Variants in GYS2 observed in about 807,000 individuals in gnomAD.
GYS2 encodes glycogen synthase 2, also known as glycogen [starch] synthase, liver.
Under a neutral mutation model 85.6 loss-of-function variants are expected in GYS2, and 80 were observed. The observed-to-expected ratio is 0.93, with a 90% CI of 0.78 to 1.13. GYS2 has a LOEUF of 1.13. Ranked by LOEUF, GYS2 falls within the 50% of genes most tolerant of loss-of-function variation. GYS2 has a pLI of 0.00. For missense variants in GYS2, 881 were observed against 854.9 expected (o/e 1.03, Z -0.38); for synonymous variants, 328 against 300.7 (o/e 1.09, Z -0.94).
intron 1 of GYS2, 103 bp from the exon 2 acceptor site, chr12:21,580,626 C>G (rs1032931044): frequency 9.4e-6 from 8 of 853,728 alleles, no homozygotes; most frequent in Non-Finnish European, 1.4e-5. Context: ...CATTTAGGAT[C>G]CACTAAGCCC....
At chr12:21,538,672 CT>C (rs1943937678) in intron 15 of GYS2, among the ~76,000 whole-genome samples, 1 of 152,188 alleles carries the variant, frequency 6.6e-6, no homozygotes, top group Admixed American at 6.5e-5. Context: ...ACTGCAAGGA[CT>C]GATCCCACTA....
chr12:21,602,808 G>A (rs2136940400), intron 1 of GYS2, among the ~76,000 whole-genome samples: 1 of 152,180 alleles, frequency 6.6e-6, no homozygotes, highest in South Asian at 2.1e-4. Context: ...TCACTGGCGT[G>A]TTCCCAGTGC....
At position 21,574,199 on chromosome 12, in the gene GYS2, A is replaced by T; in HGVS notation, c.623T>A (p.Leu208Gln). The change falls in exon 4 of 16, where the codon CTA (leucine) becomes CAA (glutamine). Residue 208 changes from leucine (L) to glutamine (Q), a missense_variant. By Grantham distance (113) the Leu-to-Gln change is moderately radical. Coordinates refer to ENST00000261195, the MANE Select transcript of GYS2 (RefSeq NM_021957.4). ...TGCTGCACAGAGATACCTCCCAAGT[A>T]GTGTAGCGTGGGTTGTAAATATTGT... ...IATIFTTHAT[L>Q]LGRYLCAANI... The T allele has an allele frequency of 1.2e-6, 2 of 1,612,854 alleles. No homozygotes were observed. The highest frequency in any genetic ancestry group is 2.2e-5 in the South Asian group (2 of 91,072).
chr12:21,592,841 C>T (rs1013102600), intron 1 of GYS2, among the ~76,000 whole-genome samples: 3 of 152,004 alleles, frequency 2.0e-5, no homozygotes, highest in Non-Finnish European at 4.4e-5. Flanking sequence ...TTTATCTCAT[C>T]AGCACATGAC....
chr12:21,587,870 G>C (rs955037620), intron 1 of GYS2, among the ~76,000 whole-genome samples: 1 of 152,056 alleles, frequency 6.6e-6, no homozygotes, highest in South Asian at 2.1e-4. Context: ...AATGGTCAGA[G>C]CCCAGGCCCT....
intron 1 of GYS2, among the ~76,000 whole-genome samples, chr12:21,587,132 C>T (rs781306969): frequency 9.2e-5 from 14 of 152,088 alleles, no homozygotes; most frequent in African/African-American, 1.9e-4. Flanking sequence ...GGGAGCTAAA[C>T]GATGAGTAAG....
At chr12:21,557,340 A>ACAGTGGAAGAAAC (rs1286882974) in intron 11 of GYS2, among the ~76,000 whole-genome samples, 4 of 152,228 alleles carry the variant, frequency 2.6e-5, no homozygotes, top group Non-Finnish European at 5.9e-5. Flanking sequence ...TTTAAGGTCC[A>ACAGTGGAAGAAAC]CAGTGGAAGA....
chr12:21,545,407 A>G (rs1176367241), intron 12 of GYS2, among the ~76,000 whole-genome samples: 1 of 152,186 alleles, frequency 6.6e-6, no homozygotes, highest in African/African-American at 2.4e-5. Context: ...ATGCCACTGC[A>G]CTCCAGCCTG....
chr12:21,550,221 G>A (rs1250589621), intron 11 of GYS2, among the ~76,000 whole-genome samples: 1 of 151,930 alleles, frequency 6.6e-6, no homozygotes, highest in African/African-American at 2.4e-5. Context: ...CCCTTTAGTA[G>A]CAAATGGCAT....
At chr12:21,602,302 A>G (rs1032093719) in intron 1 of GYS2, among the ~76,000 whole-genome samples, 1 of 152,056 alleles carries the variant, frequency 6.6e-6, no homozygotes, top group Non-Finnish European at 1.5e-5. Flanking sequence ...AAAGACCTAA[A>G]TCCTGGTCCT....
Position 21,558,304 on chromosome 12 carries a change from A to T in GYS2, c.1318T>A (p.Leu440Met). The T allele has an allele frequency of 1.2e-6, 2 of 1,606,014 alleles. No individual in the cohort carries two copies. The highest frequency in any genetic ancestry group is 1.7e-6 in the Non-Finnish European group (2 of 1,172,710). ...ATGTTGTGCGTGGTCACTGGGGGCA[A>T]TGACTGTCGCTGAAGTATGAGAGGG... is the stretch of plus-strand genomic sequence containing the variant. ...RAIFSTQRQS[L>M]PPVTTHNMID... is the part of the protein sequence containing the mutation. Residue 440 changes from leucine (L) to methionine (M), a missense_variant, in exon 11 of 16, where the codon TTG becomes ATG. Transcript: ENST00000261195.
chr12:21,542,670 C>CTA (rs1943993153), intron 12 of GYS2, 79 bp from the exon 13 acceptor site: 2 of 842,268 alleles, frequency 2.4e-6, no homozygotes, highest in Non-Finnish European at 4.1e-6. Flanking sequence ...GGAAAAGGCC[C>CTA]TAGTCCTCCT....
chr12:21,586,899 T>A (rs1245869998), intron 1 of GYS2, among the ~76,000 whole-genome samples: 2 of 152,086 alleles, frequency 1.3e-5, no homozygotes, highest in Non-Finnish European at 2.9e-5. Context: ...CTGTTCCCAA[T>A]AGCAAAGATA....
At chr12:21,565,464 AGGTTTTAGGTTAT>A (rs1359876777) in intron 5 of GYS2, among the ~76,000 whole-genome samples, 5 of 138,728 alleles carry the variant, frequency 3.6e-5, no homozygotes, top group African/African-American at 1.3e-4. Flanking sequence ...TATAGGTTAT[AGGTTTTAGGTTAT>A]TTGTATGTAA....
At chr12:21,577,178 T>G (rs1218095669) in intron 2 of GYS2, among the ~76,000 whole-genome samples, 1 of 152,190 alleles carries the variant, frequency 6.6e-6, no homozygotes, top group Non-Finnish European at 1.5e-5. Context: ...TGCCACTGTT[T>G]CCTTTTAAGA....
rs1378899165 is a variant in GYS2, at chr12:21,580,482, T to C, written c.163A>G (p.Thr55Ala). ...YTVIQTKAKT[T>A]ADEWGENYFL... Reference sequence around the variant, plus strand: ...TAGTTCTCTCCCCATTCATCTGCTGTTGTTTTGGCCTTTGTCTGAATCACA... The same window carrying C: ...TAGTTCTCTCCCCATTCATCTGCTGCTGTTTTGGCCTTTGTCTGAATCACA... The change falls in exon 2 of 16, where the codon ACA becomes GCA. Residue 55 changes from threonine to alanine, a missense_variant. Thr to Ala is a moderately conservative substitution (Grantham distance 58, BLOSUM62 0). Coordinates refer to ENST00000261195, the MANE Select transcript of GYS2 (RefSeq NM_021957.4). 3.7e-6 allele frequency: 6 copies of C among 1,613,670 alleles called. No homozygotes were observed. The highest frequency in any genetic ancestry group is 3.4e-6 in the Non-Finnish European group (4 of 1,179,700).
Position 21,546,487 on chromosome 12 carries a change from C to A in GYS2, c.1423-17G>T. 1.3e-6 allele frequency: 2 copies of A among 1,557,594 alleles called. No homozygotes were observed. Among genetic ancestry groups the A allele is most frequent in the East Asian group, 2.3e-5 (1 of 43,750 alleles). On this transcript the variant is annotated splice_polypyrimidine_tract_variant and intron_variant, in intron 11 of 15. Transcript: ENST00000261195. ...CAAAATCACCTAAAAAAGGAAAATT[C>A]TAATTTAAAAAAAAAGAAAAAGGAG...
chr12:21,604,446 G>A (rs748447449), intron 1 of GYS2, 26 bp downstream of exon 1: 1 of 1,379,724 alleles, frequency 7.2e-7, no homozygotes, highest in East Asian at 2.3e-5. Flanking sequence ...AAGGTGTACT[G>A]ATCCACCTTC....
intron 5 of GYS2, among the ~76,000 whole-genome samples, chr12:21,563,627 G>T (rs1400286607): frequency 6.6e-6 from 1 of 152,092 alleles, no homozygotes; most frequent in African/African-American, 2.4e-5. Context: ...AATAATAATG[G>T]TTATTATAGT....
Sources: gnomAD v4.1 joint callset for allele counts (sites outside exome capture counted in the v4.1 genomes callset) on GRCh38, gnomAD v4.1.1 for gene constraint, MANE v1.5 for transcripts, NCBI Gene and HGNC (gene_info 2026-07-23, HGNC 2026-07-21) for gene names.